CACNG4: variants seen among roughly 807,000 people sequenced by gnomAD.
CACNG4 encodes the protein voltage-dependent calcium channel gamma-4 subunit.
Under a neutral mutation model 22.9 loss-of-function variants are expected in CACNG4, and 8 were observed. The observed-to-expected ratio is 0.35, with a 90% confidence interval of 0.21 to 0.63. CACNG4 has a LOEUF of 0.63. Among genes scored for constraint, CACNG4 ranks in the 30% least tolerant of loss-of-function variants. CACNG4 has a pLI of 0.72. For missense variants in CACNG4, 357 were observed against 455.4 expected (o/e 0.78, Z 1.97); for synonymous variants, 188 against 191.9 (o/e 0.98, Z 0.17).
chr17:66,985,224 G>A (rs1408776016), intron 1 of CACNG4, among the ~76,000 whole-genome samples: 1 of 152,112 alleles, frequency 6.6e-6, no homozygotes, highest in African/African-American at 2.4e-5. Context: ...AATGCTCATT[G>A]AGGATTTGAA....
chr17:66,990,176 C>G (rs1461525043), intron 1 of CACNG4, among the ~76,000 whole-genome samples: 1 of 152,176 alleles, frequency 6.6e-6, no homozygotes, highest in Non-Finnish European at 1.5e-5. Flanking sequence ...TGCATGCTCA[C>G]TGGTTGTTGG....
At position 67,024,961 on chromosome 17, in the gene CACNG4, A is replaced by G. The variant is rs2035554899; in HGVS notation, c.406A>G (p.Asn136Asp). 6.2e-7 allele frequency: 1 copy of G among 1,605,472 alleles called. No homozygotes were observed. Among genetic ancestry groups the G allele is most frequent in the African/African-American group, 1.3e-5 (1 of 74,602 alleles). The change falls in exon 3 of 4, where the codon AAC becomes GAC. Residue 136 changes from asparagine (N) to aspartate (D), a missense_variant. By Grantham distance (23) the Asn-to-Asp change is conservative. This residue lies in a region of CACNG4 where 240 missense variants were observed against 277.6 expected (regional missense o/e 0.86). Transcript: ENST00000262138. ...GAGRIYSRKN[N>D]IVLSAGILFV... ...TGGCAGGATCTACAGCCGCAAGAAC[A>G]ACATCGTCCTCAGTGCCGGCATCCT...
At chr17:67,011,264 T>A (rs2035466244) in intron 1 of CACNG4, among the ~76,000 whole-genome samples, 1 of 152,148 alleles carries the variant, frequency 6.6e-6, no homozygotes, top group African/African-American at 2.4e-5. Context: ...TCTTCTAGTG[T>A]TGCCTGGAGA....
Position 67,027,784 on chromosome 17 carries a change from C to T in CACNG4, c.446-2682C>T, listed in dbSNP as rs551967554. On this transcript the variant is annotated intron_variant, in intron 3 of 3. Transcript: ENST00000262138. The surrounding 1 kb of genome is among the most constrained non-coding windows in gnomAD (Gnocchi z 4.3). The stretch of plus-strand genomic sequence containing the variant: ...CTGTAATCCCAGCATTTTGGGAGGC[C>T]GAGGCAGGCGGATCACTGGAGGTCA... Among the ~76,000 whole-genome samples the T allele has an allele frequency of 4.0e-5, 6 of 151,624 alleles. No individual in the cohort carries two copies. In the South Asian group the frequency reaches 1.0e-3, roughly 27 times the overall value.
chr17:66,983,438 G>A (rs1387900513), intron 1 of CACNG4, among the ~76,000 whole-genome samples: 2 of 152,230 alleles, frequency 1.3e-5, no homozygotes, highest in Non-Finnish European at 2.9e-5. Flanking sequence ...ACCCAGGCTG[G>A]AGGAGGAGTT....
At chr17:66,995,753 G>A (rs920163887) in intron 1 of CACNG4, among the ~76,000 whole-genome samples, 13 of 152,110 alleles carry the variant, frequency 8.5e-5, no homozygotes, top group Admixed American at 5.9e-4. Context: ...GGGAGGCTGA[G>A]GCAGGAGAAT....
At chr17:66,993,887 G>A (rs1344074684) in intron 1 of CACNG4, among the ~76,000 whole-genome samples, 2 of 152,140 alleles carry the variant, frequency 1.3e-5, no homozygotes, top group East Asian at 1.9e-4. Flanking sequence ...CCAAAGTGCT[G>A]GGATTACAGG....
intron 2 of CACNG4, 63 bp downstream of exon 2, chr17:67,018,335 C>T (rs939401352): frequency 5.5e-6 from 7 of 1,272,560 alleles, no homozygotes; most frequent in Admixed American, 1.7e-5. Flanking sequence ...GGAAGGCGGC[C>T]GGAGGAAAGA....
At chr17:67,008,688 A>C (rs1483922171) in intron 1 of CACNG4, among the ~76,000 whole-genome samples, 1 of 152,174 alleles carries the variant, frequency 6.6e-6, no homozygotes, top group Non-Finnish European at 1.5e-5. Context: ...AGAGGTAATC[A>C]AGTTCAAATG....
chr17:66,972,983 C>A (rs897223523), intron 1 of CACNG4, among the ~76,000 whole-genome samples: 1 of 151,456 alleles, frequency 6.6e-6, no homozygotes, highest in Admixed American at 6.6e-5. Flanking sequence ...CAGTGGCTCG[C>A]GCCTATAATC....
intron 1 of CACNG4, among the ~76,000 whole-genome samples, chr17:67,007,330 A>G (rs1479108694): frequency 6.6e-6 from 1 of 152,238 alleles, no homozygotes; most frequent in East Asian, 1.9e-4. Flanking sequence ...ACTTCCCAGG[A>G]TCTGAATGGC....
At chr17:66,968,707 A>C (rs546728994) in intron 1 of CACNG4, among the ~76,000 whole-genome samples, 16 of 19,444 alleles carry the variant, frequency 8.2e-4, no homozygotes, top group African/African-American at 1.2e-3. Flanking sequence ...TCCTCCCCTC[A>C]CCTTCCCTCC....
chr17:66,989,285 C>T (rs1322720181), intron 1 of CACNG4, among the ~76,000 whole-genome samples: 9 of 150,952 alleles, frequency 6.0e-5, no homozygotes, highest in African/African-American at 2.2e-4. Context: ...GGTCATACTC[C>T]ATTAGAATAG....
intron 2 of CACNG4, among the ~76,000 whole-genome samples, chr17:67,018,994 TAC>T (rs2035516563): frequency 6.6e-6 from 1 of 152,020 alleles, no homozygotes; most frequent in South Asian, 2.1e-4. Context: ...GGCCTGTGAA[TAC>T]CTCCCTGGCA....
intron 1 of CACNG4, among the ~76,000 whole-genome samples, chr17:66,990,451 T>TA (rs768948604): frequency 7.2e-5 from 11 of 152,324 alleles, no homozygotes; most frequent in Non-Finnish European, 1.5e-4. Context: ...GAGGATGTTA[T>TA]ACAGGGGCAC....
intron 2 of CACNG4, 25 bp downstream of exon 2, chr17:67,018,297 T>C (rs1245045939): frequency 1.3e-6 from 2 of 1,588,738 alleles, no homozygotes; most frequent in African/African-American, 2.7e-5. Context: ...GCCTGGACTC[T>C]CTTTCTGTGG....
chr17:66,965,245 C>A, intron 1 of CACNG4, 114 bp downstream of exon 1: 2 of 659,270 alleles, frequency 3.0e-6, no homozygotes, highest in South Asian at 4.5e-5. Context: ...CTGCCCGGCG[C>A]GCGGGCCGGG....
intron 1 of CACNG4, among the ~76,000 whole-genome samples, chr17:67,016,346 C>T (rs1369818983): frequency 6.6e-6 from 1 of 152,206 alleles, no homozygotes; most frequent in African/African-American, 2.4e-5. Flanking sequence ...CTGCCCCCCA[C>T]CGCTGGCCCC....
At chr17:66,989,186 A>G (rs73339116) in intron 1 of CACNG4, among the ~76,000 whole-genome samples, 4,603 of 151,318 alleles carry the variant, frequency 0.03, 384 homozygotes, top group African/African-American at 0.11. Flanking sequence ...GTCCCCTAAA[A>G]AGATATGTCA....
Sources: gnomAD v4.1 joint callset for allele counts (sites outside exome capture counted in the v4.1 genomes callset) on GRCh38, gnomAD v4.1.1 for gene constraint, gnomAD v4.1.1 regional missense constraint, Gnocchi (gnomAD v3.1) non-coding constraint, MANE v1.5 for transcripts, NCBI Gene and HGNC (gene_info 2026-07-23, HGNC 2026-07-21) for gene names.